EPS8L1: variants seen among roughly 807,000 people sequenced by gnomAD.
EPS8L1 encodes epidermal growth factor receptor kinase substrate 8-like protein 1.
A neutral mutation model predicts 91.7 loss-of-function variants in EPS8L1; 101 were observed. That is an observed-to-expected ratio of 1.10 (90% CI 0.94 to 1.30). The LOEUF (loss-of-function observed/expected upper bound fraction) is 1.30, where lower values mean the gene tolerates loss of function less well. Ranked by LOEUF, EPS8L1 falls within the 50% of genes most tolerant of loss-of-function variation. The pLI is 0.00. For synonymous variants in EPS8L1, 506 were observed against 445.3 expected, an observed-to-expected ratio of 1.14 and a Z score of -1.72; for missense variants, 1,114 against 1,017.0, an observed-to-expected ratio of 1.10 and a Z score of -1.30.
intron 11 of EPS8L1, 31 bp from the exon 12 acceptor site, chr19:55,082,423 G>A (rs747002553): frequency 1.2e-6 from 2 of 1,611,024 alleles, no homozygotes; most frequent in Non-Finnish European, 8.5e-7. Context: ...AGGTGTGGCG[G>A]CACAGCCTGC....
In EPS8L1 at chr19:55,083,645, G is replaced by A. The variant is rs776170568; in HGVS notation, c.1385+1G>A. 2.5e-6 allele frequency: 4 copies of A among 1,594,010 alleles called. No homozygotes were observed. Among genetic ancestry groups the A allele is most frequent in the Non-Finnish European group, 3.4e-6 (4 of 1,170,846 alleles). The stretch of plus-strand genomic sequence containing the variant: ...GCGCCCCCCAGGTCGCTGTCAATGG[G>A]TGAGTGTCCGCCCCAGGGCAGGGCA... On this transcript the variant is annotated splice_donor_variant, in intron 14 of 19. Transcript: ENST00000201647. LOFTEE classifies it high-confidence loss of function. This position sits in a 1 kb window ranked among gnomAD's most constrained non-coding sequence, Gnocchi z 4.7.
chr19:55,082,861 G>A (rs181316647), intron 12 of EPS8L1, among the ~76,000 whole-genome samples: 330 of 151,558 alleles, frequency 2.2e-3, no homozygotes, highest in Middle Eastern at 6.8e-3. Flanking sequence ...AGGAATAGAG[G>A]GGCTAGGGGC....
At position 55,081,813 on chromosome 19, in the gene EPS8L1, T is replaced by C. The variant is rs1451359296; in HGVS notation, c.815T>C (p.Val272Ala). ...GTGTTCGACGACGTAGAGAGCTTTG[T>C]ATCGAGGCTGCAGAAGTCGGCGGAG... ...NHVFDDVESF[V>A]SRLQKSAEAA... The change falls in exon 9 of 20, where the codon GTA becomes GCA. Residue 272 changes from valine (V) to alanine (A), a missense_variant. Coordinates refer to ENST00000201647, the MANE Select transcript of EPS8L1 (RefSeq NM_133180.3). This position sits in a 1 kb window ranked among gnomAD's most constrained non-coding sequence, Gnocchi z 4.9. 1.2e-6 allele frequency: 2 copies of C among 1,612,656 alleles called. No homozygotes were observed. The highest frequency in any genetic ancestry group is 1.6e-4 in the Middle Eastern group (1 of 6,082).
At chr19:55,082,742 G>A in intron 12 of EPS8L1, 140 bp downstream of exon 12, 1 of 803,738 alleles carries the variant, frequency 1.2e-6, no homozygotes. Context: ...TGTTGGGGCG[G>A]GGCTTAGGAC....
In EPS8L1 at chr19:55,080,809, A is replaced by T; in HGVS notation, c.467A>T (p.His156Leu). 1 of 1,612,092 alleles carries T rather than the reference A, an allele frequency of 6.2e-7. No individual in the cohort carries two copies. Among genetic ancestry groups the T allele is most frequent in the Non-Finnish European group, 8.5e-7 (1 of 1,179,150 alleles). The change falls in exon 7 of 20, where the codon CAC becomes CTC. Residue 156 changes from histidine to leucine, a missense_variant. Transcript: ENST00000201647. ...LIREDIQGAL[H>L]NYRSGRGERR... ...CGAGAGGACATCCAGGGGGCTCTGCACAATTACCGCTCGGGCCGCGGGGAG... is the reference window on the plus strand; with the variant it reads ...CGAGAGGACATCCAGGGGGCTCTGCTCAATTACCGCTCGGGCCGCGGGGAG...
intron 4 of EPS8L1, among the ~76,000 whole-genome samples, chr19:55,079,403 A>G (rs1654475): frequency 0.98 from 148,912 of 152,230 alleles, 72,854 homozygotes; most frequent in East Asian, 1. Flanking sequence ...GGGGCATGGC[A>G]GGAGACCCGA....
Position 55,080,143 on chromosome 19 carries a change from G to C in EPS8L1, c.294G>C (p.Ser98=), listed in dbSNP as rs1281916451. ...LDPASKEELE[S]YPLGAIVRCD... is the part of the protein sequence containing the mutation. ...CCACCCGGCAGGAGGAGCTGGAGTCGTACCCACTGGGCGCCATCGTGCGCT... is the reference window on the plus strand; with the variant it reads ...CCACCCGGCAGGAGGAGCTGGAGTCCTACCCACTGGGCGCCATCGTGCGCT... The change falls in exon 6 of 20, where the codon TCG becomes TCC. Residue 98 remains serine (S), a synonymous_variant. Transcript: ENST00000201647. 1 of 1,506,244 alleles carries C rather than the reference G, an allele frequency of 6.6e-7. No homozygotes were observed. The highest frequency in any genetic ancestry group is 2.5e-5 in the East Asian group (1 of 40,256). The allele number at this position is 1,506,244 out of a possible 1,614,324, so 93.3% of individuals were successfully genotyped here.
At chr19:55,086,563 G>C (rs1467627548) in intron 17 of EPS8L1, 45 bp downstream of exon 17, 9 of 1,542,188 alleles carry the variant, frequency 5.8e-6, no homozygotes, top group Non-Finnish European at 6.1e-6. Flanking sequence ...CCTTATCCTT[G>C]CTTTCCAGGC....
At position 55,081,643 on chromosome 19, in the gene EPS8L1, TG is replaced by T. The variant is rs2076264683; in HGVS notation, c.775-129del. On this transcript the variant is annotated intron_variant, in intron 8 of 19. Coordinates refer to ENST00000201647, the MANE Select transcript of EPS8L1 (RefSeq NM_133180.3). This position sits in a 1 kb window ranked among gnomAD's most constrained non-coding sequence, Gnocchi z 4.9. ...GGCTGGGTCGGGGGCGGGGCTTGGTTGTGGGGCGTGGCCAGGTGTTTGGGGC... is the reference window on the plus strand; with the variant it reads ...GGCTGGGTCGGGGGCGGGGCTTGGTTTGGGGCGTGGCCAGGTGTTTGGGGC... 1.5e-6 allele frequency: 2 copies of T among 1,375,888 alleles called. No homozygotes were observed. Among genetic ancestry groups the T allele is most frequent in the Non-Finnish European group, 1.9e-6 (2 of 1,029,766 alleles). The allele number at this position is 1,375,888 out of a possible 1,614,324, so 85.2% of individuals were successfully genotyped here.
chr19:55,083,270 C>A lies in EPS8L1; in HGVS notation c.1215-108C>A. The stretch of plus-strand genomic sequence containing the variant: ...TGGTGAAAAGTGGCGGGGCTAGAAT[C>A]GTTGGAATACAGCGAGCTTTAGGGG... On this transcript the variant is annotated intron_variant, in intron 12 of 19. Coordinates refer to ENST00000201647, the MANE Select transcript of EPS8L1 (RefSeq NM_133180.3). This position sits in a 1 kb window ranked among gnomAD's most constrained non-coding sequence, Gnocchi z 4.7. The A allele has an allele frequency of 7.1e-7, 1 of 1,403,334 alleles. No homozygotes were observed. The highest frequency in any genetic ancestry group is 2.4e-5 in the East Asian group (1 of 41,106). 86.9% of individuals were successfully genotyped at this position (1,403,334 alleles called of 1,614,324 possible). A position where few individuals can be genotyped will look rare whatever the true frequency, so the allele number is the denominator to read the frequency against.
chr19:55,083,477 C>T lies in EPS8L1; in HGVS notation c.1314C>T (p.Asp438=). ...VTDPQSRAWE[D]PVEKQLQHER... The stretch of plus-strand genomic sequence containing the variant: ...ACCCGCAGAGCCGCGCCTGGGAGGA[C>T]CCAGTTGAGAAACAGCTACAGCACG... The change falls in exon 13 of 20, where the codon GAC becomes GAT. Residue 438 remains aspartate, a synonymous_variant. Coordinates refer to ENST00000201647, the MANE Select transcript of EPS8L1 (RefSeq NM_133180.3). This position sits in a 1 kb window ranked among gnomAD's most constrained non-coding sequence, Gnocchi z 4.7. 6.2e-7 allele frequency: 1 copy of T among 1,612,452 alleles called. No homozygotes were observed. The highest frequency in any genetic ancestry group is 1.1e-5 in the South Asian group (1 of 91,026).
At chr19:55,082,033 C>T (rs2076276545) in intron 9 of EPS8L1, 59 bp from the exon 10 acceptor site, 1 of 1,552,688 alleles carries the variant, frequency 6.4e-7, no homozygotes, top group African/African-American at 1.4e-5. Context: ...GTCCACCTCT[C>T]TCTGCCTGCC....
At chr19:55,076,502 TC>T in intron 2 of EPS8L1, 41 bp downstream of exon 2, 1 of 1,600,586 alleles carries the variant, frequency 6.2e-7, no homozygotes, top group Non-Finnish European at 8.5e-7. Context: ...CCAGCACGCC[TC>T]CCGCCTCCCC....
chr19:55,087,535 A>T lies in EPS8L1; in HGVS notation c.2093A>T (p.Glu698Val), dbSNP rs1472003496. 6.2e-7 allele frequency: 1 copy of T among 1,613,994 alleles called. No individual in the cohort carries two copies. The highest frequency in any genetic ancestry group is 8.5e-7 in the Non-Finnish European group (1 of 1,180,014). Residue 698 changes from glutamate (E) to valine (V), a missense_variant, in exon 20 of 20, where the codon GAG becomes GTG. Physicochemically the swap from Glu to Val is moderately radical, Grantham distance 121. Transcript: ENST00000201647. ...TVQRSLLEDK[E>V]KVSELEAVME... ...TTCCACCCCGCCCTCCAGGACAAAG[A>T]GAAAGTGTCAGAGCTGGAGGCAGTG... is the stretch of plus-strand genomic sequence containing the variant.
In EPS8L1 at chr19:55,082,358, C is replaced by G; in HGVS notation, c.1065+9C>G. On this transcript the variant is annotated intron_variant, in intron 11 of 19. Coordinates refer to ENST00000201647, the MANE Select transcript of EPS8L1 (RefSeq NM_133180.3). ...TCGGGCCTCTGCAGATGGTGAGACC[C>G]GCCCCAGGCCCTCGGGCCCCCCTGC... The G allele has an allele frequency of 1.2e-6, 2 of 1,612,724 alleles. No homozygotes were observed. Among genetic ancestry groups the G allele is most frequent in the Non-Finnish European group, 1.7e-6 (2 of 1,179,844 alleles).
Position 55,080,285 on chromosome 19 carries a change from A to G in EPS8L1, c.429+7A>G, listed in dbSNP as rs2147137695. 4.6e-6 allele frequency: 7 copies of G among 1,534,524 alleles called. No homozygotes were observed. Among genetic ancestry groups the G allele is most frequent in the Admixed American group, 4.0e-5 (2 of 50,010 alleles). Reference sequence around the variant, plus strand: ...CCAGGGCCTGCGCCTCGGGGTGAGCAGATGGGCTGGCTCTGGGGGTGGAGC... The same window carrying G: ...CCAGGGCCTGCGCCTCGGGGTGAGCGGATGGGCTGGCTCTGGGGGTGGAGC... On this transcript the variant is annotated splice_region_variant and intron_variant, in intron 6 of 19. Transcript: ENST00000201647.
intron 4 of EPS8L1, among the ~76,000 whole-genome samples, chr19:55,079,284 G>C (rs2076202656): frequency 6.6e-6 from 1 of 152,158 alleles, no homozygotes; most frequent in Non-Finnish European, 1.5e-5. Flanking sequence ...CTGTTGTGCT[G>C]GACAGTGGGA....
At chr19:55,087,137 G>C in intron 18 of EPS8L1, 166 bp from the exon 19 acceptor site, 1 of 1,177,988 alleles carries the variant, frequency 8.5e-7, no homozygotes, top group South Asian at 1.6e-5. Flanking sequence ...CGCCCCCCGG[G>C]TGGCAACATT....
At chr19:55,079,142 C>A in intron 4 of EPS8L1, 85 bp downstream of exon 4, 2 of 1,401,834 alleles carry the variant, frequency 1.4e-6, no homozygotes, top group Non-Finnish European at 1.0e-6. Context: ...GCAGCTAGGC[C>A]CCCAAGCAGG....
Sources: gnomAD v4.1 joint callset for allele counts (sites outside exome capture counted in the v4.1 genomes callset) on GRCh38, gnomAD v4.1.1 for gene constraint, Gnocchi (gnomAD v3.1) non-coding constraint, MANE v1.5 for transcripts, NCBI Gene and HGNC (gene_info 2026-07-23, HGNC 2026-07-21) for gene names.